The following NTRK3 variants were observed in gnomAD, a reference collection of about 807,000 sequenced individuals.
The protein encoded by NTRK3 is NT-3 growth factor receptor.
NTRK3 carries 24 observed loss-of-function variants against 91.7 expected under a neutral mutation model. The ratio of observed to expected loss-of-function variants is 0.26; its 90% CI spans 0.19 to 0.37. The LOEUF (loss-of-function observed/expected upper bound fraction) is 0.37. NTRK3 is among the 10% of genes least tolerant of loss of function. The pLI is 1.00. For missense variants in NTRK3, 880 were observed against 1,068.9 expected, an observed-to-expected ratio of 0.82 and a Z score of 2.46; for synonymous variants, 483 against 404.0, an observed-to-expected ratio of 1.20 and a Z score of -2.34.
chr15:87,936,305 C>T (rs1285077775), intron 15 of NTRK3, among the ~76,000 whole-genome samples: 3 of 152,190 alleles, frequency 2.0e-5, no homozygotes, highest in Admixed American at 1.3e-4. Context: ...TGCCCTTCTT[C>T]TCTCCCTCTC....
chr15:88,120,398 T>G (rs979260821), intron 13 of NTRK3, among the ~76,000 whole-genome samples: 4 of 152,256 alleles, frequency 2.6e-5, no homozygotes, highest in Admixed American at 6.5e-5. Flanking sequence ...GGAACAGTCC[T>G]GCAAGTGCTC....
At chr15:87,945,688 C>G (rs1284849) in intron 14 of NTRK3, among the ~76,000 whole-genome samples, 1 of 150,508 alleles carries the variant, frequency 6.6e-6, no homozygotes, top group African/African-American at 2.4e-5. Context: ...CCTCCCTGTT[C>G]TGGGAGAATG....
chr15:88,044,044 T>A (rs2079906793), intron 13 of NTRK3, among the ~76,000 whole-genome samples: 1 of 152,070 alleles, frequency 6.6e-6, no homozygotes, highest in African/African-American at 2.4e-5. Context: ...GTAAAACAGA[T>A]AATAATAGCT....
chr15:87,945,918 C>T (rs922180209), intron 14 of NTRK3, among the ~76,000 whole-genome samples: 5 of 151,284 alleles, frequency 3.3e-5, no homozygotes, highest in African/African-American at 1.2e-4. Context: ...AGAATGGGAA[C>T]ATGGATGTTG....
At chr15:88,013,946 T>C (rs1046106080) in intron 14 of NTRK3, among the ~76,000 whole-genome samples, 2 of 152,132 alleles carry the variant, frequency 1.3e-5, no homozygotes, top group African/African-American at 2.4e-5. Context: ...CCTGTCTCAA[T>C]TTTTTTAAAA....
At chr15:87,931,269 G>C (rs745409582) in intron 16 of NTRK3, 4 of 515,608 alleles carry the variant, frequency 7.8e-6, no homozygotes, top group South Asian at 5.7e-5. Context: ...GTGAAAAGTA[G>C]GGCATGCCCT....
At chr15:88,123,029 A>G (rs924408428) in intron 13 of NTRK3, among the ~76,000 whole-genome samples, 7 of 152,220 alleles carry the variant, frequency 4.6e-5, no homozygotes, top group Non-Finnish European at 1.0e-4. Flanking sequence ...AGCGTATAAT[A>G]AAGGCATTTT....
chr15:88,185,607 A>T (rs2046879392), intron 3 of NTRK3, among the ~76,000 whole-genome samples: 1 of 152,136 alleles, frequency 6.6e-6, no homozygotes, highest in South Asian at 2.1e-4. Context: ...TTTTACTCTG[A>T]TCAGTGGCCA....
exon 19 of NTRK3, chr15:87,877,083 C>T (rs767941638): frequency 9.9e-6 from 16 of 1,614,028 alleles, no homozygotes; most frequent in East Asian, 4.5e-5. Context: ...GACTCGGGGC[C>T]GCTCCAAAAC....
At position 88,064,239 on chromosome 15, in the gene NTRK3, C is replaced by T. The variant is rs929355542; in HGVS notation, c.1397-31194G>A. The stretch of plus-strand genomic sequence containing the variant: ...GGAGCATGGCTCTGCTGATATCTTA[C>T]TTTAAACTCCTAGCCTTCAAAACAG... On this transcript the variant is annotated intron_variant, in intron 13 of 18. Coordinates refer to ENST00000394480, the Ensembl canonical transcript of NTRK3. 9.2e-5 allele frequency among the ~76,000 whole-genome samples: 14 copies of T among 152,332 alleles called. 1 individual carries two copies. The highest frequency in any genetic ancestry group is 2.9e-4 in the African/African-American group (12 of 41,586).
At chr15:88,075,027 G>A (rs545862184) in intron 13 of NTRK3, among the ~76,000 whole-genome samples, 7 of 152,274 alleles carry the variant, frequency 4.6e-5, no homozygotes, top group Admixed American at 1.3e-4. Context: ...GCTCCAGGGG[G>A]TTGTTCTAAC....
intron 5 of NTRK3, among the ~76,000 whole-genome samples, chr15:88,155,154 G>A (rs1398890495): frequency 6.6e-6 from 1 of 152,206 alleles, no homozygotes; most frequent in Non-Finnish European, 1.5e-5. Context: ...TAAGCATATA[G>A]ACCTTGAGAT....
intron 14 of NTRK3, among the ~76,000 whole-genome samples, chr15:88,028,840 C>G (rs1159297499): frequency 6.6e-6 from 1 of 152,106 alleles, no homozygotes; most frequent in African/African-American, 2.4e-5. Context: ...TTAAGATTAA[C>G]CAAGAAGCCT....
At chr15:88,077,701 G>A (rs550890065) in intron 13 of NTRK3, among the ~76,000 whole-genome samples, 1 of 152,318 alleles carries the variant, frequency 6.6e-6, no homozygotes, top group African/African-American at 2.4e-5. Context: ...GAGGCAGCAA[G>A]TGGGAAGACT....
intron 3 of NTRK3, among the ~76,000 whole-genome samples, chr15:88,216,814 G>A (rs2049815198): frequency 6.6e-6 from 1 of 152,150 alleles, no homozygotes; most frequent in African/African-American, 2.4e-5. Flanking sequence ...TTCTCTTGAG[G>A]AACTGATCTC....
In NTRK3 at chr15:87,940,837, G is replaced by A. The variant is rs187771593; in HGVS notation, c.1586-84C>T. 3.7e-4 allele frequency: 592 copies of A among 1,599,092 alleles called. 5 individuals carry two copies. In the African/African-American group the frequency reaches 5.2e-3, roughly 14 times the overall value. On this transcript the variant is annotated intron_variant, in intron 14 of 18. Coordinates refer to ENST00000394480, the Ensembl canonical transcript of NTRK3. ...AGACAGAAGAGTACAGAGGTCTAGC[G>A]TGGAGAACTTGGTTCTGAGCCTACA...
intron 14 of NTRK3, among the ~76,000 whole-genome samples, chr15:87,988,733 A>T (rs1020333528): frequency 1.3e-5 from 2 of 152,182 alleles, no homozygotes; most frequent in Non-Finnish European, 2.9e-5. Flanking sequence ...TATTTTATGA[A>T]TACCCTTTGA....
chr15:88,061,971 G>A (rs781472619), intron 13 of NTRK3, among the ~76,000 whole-genome samples: 19 of 151,958 alleles, frequency 1.3e-4, no homozygotes, highest in South Asian at 4.2e-4. Flanking sequence ...TCAGCCAACC[G>A]CAGATCAAAA....
At chr15:88,229,391 A>G (rs951886403) in intron 3 of NTRK3, among the ~76,000 whole-genome samples, 1 of 152,164 alleles carries the variant, frequency 6.6e-6, no homozygotes, top group South Asian at 2.1e-4. Flanking sequence ...CTGCTTCTCC[A>G]TGTTACATCC....
Sources: gnomAD v4.1 joint callset for allele counts (sites outside exome capture counted in the v4.1 genomes callset) on GRCh38, gnomAD v4.1.1 for gene constraint, MANE v1.5 for transcripts, NCBI Gene and HGNC (gene_info 2026-07-23, HGNC 2026-07-21) for gene names.